Variants in IL1RAPL1 observed in about 807,000 individuals in gnomAD.
IL1RAPL1 encodes interleukin-1 receptor accessory protein-like 1.
In IL1RAPL1, 3 loss-of-function variants were observed where a neutral mutation model predicts 48.4. The ratio of observed to expected loss-of-function variants is 0.06; its 90% CI spans 0.03 to 0.16. The LOEUF is 0.16. Ranked by LOEUF, IL1RAPL1 falls within the 10% of genes least tolerant of loss-of-function variation. The pLI is 1.00. For missense variants in IL1RAPL1, 349 were observed against 530.6 expected, an observed-to-expected ratio of 0.66 and a Z score of 3.36; for synonymous variants, 185 against 187.7, an observed-to-expected ratio of 0.99 and a Z score of 0.12.
At chrX:28,727,715 A>C (rs1399544022) in intron 1 of IL1RAPL1, among the ~76,000 whole-genome samples, 1 of 108,940 alleles carries the variant, frequency 9.2e-6, no homozygotes, top group Non-Finnish European at 1.9e-5. Context: ...TCCCATCAAT[A>C]CCTAATTTAT....
intron 6 of IL1RAPL1, among the ~76,000 whole-genome samples, chrX:29,802,763 A>ATATATATATG (rs1929948622): frequency 2.5e-4 from 6 of 23,891 alleles, no homozygotes; most frequent in African/African-American, 1.2e-3. Context: ...ATATATATAT[A>ATATATATATG]TATATATATA....
At chrX:29,635,007 A>G (rs1924919863) in intron 5 of IL1RAPL1, among the ~76,000 whole-genome samples, 1 of 111,811 alleles carries the variant, frequency 8.9e-6, no homozygotes, top group East Asian at 2.8e-4. Flanking sequence ...TCTTGAGAGA[A>G]TAAAATATTA....
At chrX:29,409,618 A>G in intron 5 of IL1RAPL1, among the ~76,000 whole-genome samples, 1 of 111,307 alleles carries the variant, frequency 9.0e-6, no homozygotes, top group Non-Finnish European at 1.9e-5. Flanking sequence ...TAAAAACAAG[A>G]TGTTTTTACT....
chrX:28,968,922 A>G (rs1310377814), intron 2 of IL1RAPL1, among the ~76,000 whole-genome samples: 1 of 112,742 alleles, frequency 8.9e-6, no homozygotes, highest in East Asian at 2.8e-4. Context: ...TGTTGTATAC[A>G]CTTTTTAGAC....
chrX:28,912,247 TA>T (rs1183008745), intron 2 of IL1RAPL1, among the ~76,000 whole-genome samples: 1 of 109,893 alleles, frequency 9.1e-6, no homozygotes, highest in Non-Finnish European at 1.9e-5. Context: ...AATTGCCTCT[TA>T]ATGAGAACAT....
intron 2 of IL1RAPL1, among the ~76,000 whole-genome samples, chrX:29,186,029 T>G (rs980249243): frequency 1.8e-4 from 20 of 112,199 alleles, no homozygotes; most frequent in African/African-American, 6.5e-4. Flanking sequence ...AGAATTTTTA[T>G]TACCTTTATC....
intron 5 of IL1RAPL1, among the ~76,000 whole-genome samples, chrX:29,477,064 T>G (rs1330102091): frequency 9.3e-6 from 1 of 107,856 alleles, no homozygotes; most frequent in Non-Finnish European, 1.9e-5. Flanking sequence ...GTATTTTTAG[T>G]AGAGACGGGG....
intron 2 of IL1RAPL1, among the ~76,000 whole-genome samples, chrX:29,207,675 G>C (rs1450735302): frequency 9.0e-6 from 1 of 111,489 alleles, no homozygotes; most frequent in African/African-American, 3.3e-5. Context: ...ATCTGAGACA[G>C]TATTCTTTTA....
chrX:29,461,715 T>C (rs1324477267), intron 5 of IL1RAPL1, among the ~76,000 whole-genome samples: 1 of 112,208 alleles, frequency 8.9e-6, no homozygotes, highest in Non-Finnish European at 1.9e-5. Context: ...TGCAAAGACA[T>C]GGATTGATCT....
At chrX:29,134,298 T>C (rs1052957817) in intron 2 of IL1RAPL1, among the ~76,000 whole-genome samples, 2 of 111,852 alleles carry the variant, frequency 1.8e-5, no homozygotes, top group Non-Finnish European at 3.8e-5. Context: ...GACTGTACCA[T>C]ATTTGTTTCA....
At chrX:28,857,596 C>G (rs1921836696) in intron 2 of IL1RAPL1, among the ~76,000 whole-genome samples, 1 of 111,253 alleles carries the variant, frequency 9.0e-6, no homozygotes, top group Non-Finnish European at 1.9e-5. Flanking sequence ...CATGCAAGAA[C>G]AGAGCCTGGA....
At chrX:29,162,037 A>G (rs778430458) in intron 2 of IL1RAPL1, among the ~76,000 whole-genome samples, 3 of 112,105 alleles carry the variant, frequency 2.7e-5, no homozygotes, top group Non-Finnish European at 5.6e-5. Context: ...ATAAAAAAGA[A>G]TGAGTTCATG....
At chrX:29,011,540 C>A (rs181145342) in intron 2 of IL1RAPL1, among the ~76,000 whole-genome samples, 1 of 112,266 alleles carries the variant, frequency 8.9e-6, no homozygotes, top group Admixed American at 9.4e-5. Flanking sequence ...TTGTGTGATT[C>A]CATGTGTATG....
chrX:28,724,306 A>T (rs1246682752), intron 1 of IL1RAPL1, among the ~76,000 whole-genome samples: 1 of 111,861 alleles, frequency 8.9e-6, no homozygotes, highest in Non-Finnish European at 1.9e-5. Context: ...TATTTAAGAT[A>T]GTTAGATCTT....
chrX:28,843,509 T>A (rs1057375039), intron 2 of IL1RAPL1, among the ~76,000 whole-genome samples: 2 of 111,860 alleles, frequency 1.8e-5, no homozygotes, highest in African/African-American at 6.5e-5. Flanking sequence ...CTTCCATAAT[T>A]ATAAACAATT....
At chrX:29,192,506 A>G (rs1333001629) in intron 2 of IL1RAPL1, among the ~76,000 whole-genome samples, 2 of 111,919 alleles carry the variant, frequency 1.8e-5, no homozygotes, top group East Asian at 5.6e-4. Flanking sequence ...TTACATTGTA[A>G]TGCACTAAAA....
At chrX:29,665,796 A>G (rs180914870) in intron 5 of IL1RAPL1, among the ~76,000 whole-genome samples, 1 of 112,247 alleles carries the variant, frequency 8.9e-6, no homozygotes, top group Admixed American at 9.5e-5. Context: ...AAAACATGAC[A>G]CTTACAGATG....
chrX:29,208,051 TG>T (rs1930697928), intron 2 of IL1RAPL1, among the ~76,000 whole-genome samples: 1 of 111,903 alleles, frequency 8.9e-6, no homozygotes, highest in Non-Finnish European at 1.9e-5. Context: ...GGTTTGCCTT[TG>T]CTTATACCTG....
At chrX:29,824,025 G>C (rs1930678282) in intron 6 of IL1RAPL1, among the ~76,000 whole-genome samples, 1 of 111,217 alleles carries the variant, frequency 9.0e-6, no homozygotes, top group South Asian at 3.8e-4. Context: ...CCTGCCACTG[G>C]TTCTCAAACT....
Sources: gnomAD v4.1 joint callset for allele counts (sites outside exome capture counted in the v4.1 genomes callset) on GRCh38, gnomAD v4.1.1 for gene constraint, MANE v1.5 for transcripts, NCBI Gene and HGNC (gene_info 2026-07-23, HGNC 2026-07-21) for gene names.